GLI2: variants seen among roughly 807,000 people sequenced by gnomAD.
The protein encoded by GLI2 is transcription activator GLI2.
GLI2 carries 22 observed loss-of-function variants against 78.9 expected under a neutral mutation model. That is an observed-to-expected ratio of 0.28 (90% confidence interval 0.20 to 0.40). GLI2 has a LOEUF of 0.40. Ranked by LOEUF, GLI2 falls within the 10% of genes least tolerant of loss-of-function variation. The pLI is 1.00. For missense variants in GLI2, 2,097 were observed against 2,213.2 expected, an observed-to-expected ratio of 0.95 and a Z score of 1.05; for synonymous variants, 974 against 963.7, an observed-to-expected ratio of 1.01 and a Z score of -0.20.
At chr2:120,805,248 A>T (rs1684892766) in intron 2 of GLI2, among the ~76,000 whole-genome samples, 1 of 152,176 alleles carries the variant, frequency 6.6e-6, no homozygotes. Context: ...GGACTCTGGG[A>T]GGCTCTCCTG....
At chr2:120,902,039 C>A (rs1230971888) in intron 2 of GLI2, among the ~76,000 whole-genome samples, 1 of 151,952 alleles carries the variant, frequency 6.6e-6, no homozygotes, top group East Asian at 1.9e-4. Context: ...CCAGCTCATA[C>A]CAGCTAACAC....
At chr2:120,791,913 G>A (rs1231496468) in intron 1 of GLI2, among the ~76,000 whole-genome samples, 1 of 152,170 alleles carries the variant, frequency 6.6e-6, no homozygotes, top group Non-Finnish European at 1.5e-5. Flanking sequence ...TGTGTGCTGT[G>A]TGAGTGTGTG....
At chr2:120,779,544 G>A (rs1330905696) in intron 1 of GLI2, among the ~76,000 whole-genome samples, 1 of 152,226 alleles carries the variant, frequency 6.6e-6, no homozygotes, top group East Asian at 1.9e-4. Context: ...CCAAGAGTTG[G>A]GAGCCATTGC....
intron 5 of GLI2, among the ~76,000 whole-genome samples, chr2:120,957,239 G>A (rs907793391): frequency 6.6e-5 from 10 of 152,176 alleles, no homozygotes; most frequent in African/African-American, 1.4e-4. Context: ...TGTCTGTCCC[G>A]TTCTTCCTTG....
intron 7 of GLI2, among the ~76,000 whole-genome samples, chr2:120,971,353 G>C (rs1028294946): frequency 1.3e-5 from 2 of 152,236 alleles, no homozygotes; most frequent in African/African-American, 4.8e-5. Context: ...CCAGCAAATG[G>C]CAAAGCCTGG....
chr2:120,807,694 A>G (rs1325956281), intron 2 of GLI2, among the ~76,000 whole-genome samples: 1 of 152,138 alleles, frequency 6.6e-6, no homozygotes, highest in Non-Finnish European at 1.5e-5. Context: ...CCCCTTGGCA[A>G]AGGGCTCCCT....
At chr2:120,905,389 C>T (rs980423723) in intron 2 of GLI2, among the ~76,000 whole-genome samples, 3 of 152,136 alleles carry the variant, frequency 2.0e-5, no homozygotes. Context: ...GAGGGGCCAG[C>T]GTGCCGACTT....
At chr2:120,818,618 C>T (rs1685618528) in intron 2 of GLI2, among the ~76,000 whole-genome samples, 1 of 152,232 alleles carries the variant, frequency 6.6e-6, no homozygotes, top group South Asian at 2.1e-4. Flanking sequence ...CGAATCACTC[C>T]TGAGTCTTGA....
At chr2:120,801,788 C>T (rs1684717837) in intron 2 of GLI2, among the ~76,000 whole-genome samples, 1 of 152,198 alleles carries the variant, frequency 6.6e-6, no homozygotes, top group African/African-American at 2.4e-5. Flanking sequence ...TCCTTCAGTA[C>T]CTCCCGTATT....
At chr2:120,797,258 A>C (rs1573389246) in intron 1 of GLI2, 33 bp from the exon 2 acceptor site, 1 of 1,564,472 alleles carries the variant, frequency 6.4e-7, no homozygotes, top group South Asian at 1.1e-5. Context: ...GTTTGGGCTC[A>C]GTGTTGGTGA....
intron 2 of GLI2, among the ~76,000 whole-genome samples, chr2:120,907,054 C>A (rs1678569903): frequency 6.6e-6 from 1 of 152,208 alleles, no homozygotes; most frequent in Non-Finnish European, 1.5e-5. Flanking sequence ...CATAAACCTT[C>A]CTAATGTCTC....
intron 1 of GLI2, among the ~76,000 whole-genome samples, chr2:120,787,416 C>A (rs1438663361): frequency 1.3e-5 from 2 of 152,150 alleles, no homozygotes; most frequent in Non-Finnish European, 2.9e-5. Context: ...TTGCCCCCAC[C>A]CCCAACTCCC....
chr2:120,826,119 C>T (rs1023787126), intron 2 of GLI2, among the ~76,000 whole-genome samples: 10 of 152,180 alleles, frequency 6.6e-5, no homozygotes, highest in African/African-American at 2.2e-4. Flanking sequence ...GGCTTCCAAC[C>T]CGGCTGGGTG....
intron 2 of GLI2, among the ~76,000 whole-genome samples, chr2:120,815,230 G>T (rs1406247385): frequency 6.6e-6 from 1 of 152,168 alleles, no homozygotes; most frequent in Non-Finnish European, 1.5e-5. Context: ...TACCTTTGGG[G>T]TATTAAGGGG....
In GLI2 at chr2:120,735,889, C is replaced by T. The variant is rs984781369; in HGVS notation, c.-427C>T. ...CGGCGCTGATGGATTGCAGAAGTGC[C>T]GGCGCTTGCCAGCCGAGGCAGCACG... is the stretch of plus-strand genomic sequence containing the variant. On this transcript the variant is annotated 5_prime_UTR_variant, in exon 1 of 14. Transcript: ENST00000361492. Among the ~76,000 whole-genome samples, 1 of 151,912 alleles carries T rather than the reference C, an allele frequency of 6.6e-6. No individual in the cohort carries two copies. The highest frequency in any genetic ancestry group is 2.4e-5 in the African/African-American group (1 of 41,382).
intron 3 of GLI2, among the ~76,000 whole-genome samples, chr2:120,946,446 T>G (rs1473431001): frequency 1.3e-5 from 2 of 152,164 alleles, no homozygotes; most frequent in Non-Finnish European, 2.9e-5. Flanking sequence ...ATCTGTGATG[T>G]AGGAGACTGT....
At chr2:120,821,478 C>T (rs1220028513) in intron 2 of GLI2, among the ~76,000 whole-genome samples, 5 of 152,088 alleles carry the variant, frequency 3.3e-5, no homozygotes, top group Non-Finnish European at 7.4e-5. Flanking sequence ...TCATTCTGGC[C>T]GAGACTGTCA....
At chr2:120,764,477 G>A (rs1683310757) in intron 1 of GLI2, among the ~76,000 whole-genome samples, 1 of 152,176 alleles carries the variant, frequency 6.6e-6, no homozygotes, top group Non-Finnish European at 1.5e-5. Context: ...GCCTTTGCAT[G>A]TCACCCTCAC....
chr2:120,770,950 A>G (rs548943663), intron 1 of GLI2, among the ~76,000 whole-genome samples: 4 of 152,216 alleles, frequency 2.6e-5, no homozygotes, highest in Non-Finnish European at 5.9e-5. Context: ...CTTTGAGCTC[A>G]GAGCCTAGTT....
Sources: gnomAD v4.1 joint callset for allele counts (sites outside exome capture counted in the v4.1 genomes callset) on GRCh38, gnomAD v4.1.1 for gene constraint, MANE v1.5 for transcripts, NCBI Gene and HGNC (gene_info 2026-07-23, HGNC 2026-07-21) for gene names.